GRIK2: variants seen among roughly 807,000 people sequenced by gnomAD.
GRIK2 encodes glutamate ionotropic receptor kainate type subunit 2, also known as glutamate receptor ionotropic, kainate 2.
In GRIK2, 32 loss-of-function variants were observed where a neutral mutation model predicts 100.3. The observed-to-expected ratio is 0.32, with a 90% CI of 0.24 to 0.43. The LOEUF (loss-of-function observed/expected upper bound fraction) is 0.43, where lower values mean the gene tolerates loss of function less well. Ranked by LOEUF, GRIK2 falls within the 20% of genes least tolerant of loss-of-function variation. The probability of loss-of-function intolerance (pLI) is 1.00; values close to 1 mark genes in which losing one functional copy is unlikely to be tolerated. For synonymous variants in GRIK2, 417 were observed against 389.4 expected, an observed-to-expected ratio of 1.07 and a Z score of -0.83; for missense variants, 843 against 1,114.9, an observed-to-expected ratio of 0.76 and a Z score of 3.47.
chr6:101,448,290 C>A (rs1409947184), intron 2 of GRIK2, among the ~76,000 whole-genome samples: 2 of 151,466 alleles, frequency 1.3e-5, no homozygotes, highest in East Asian at 3.9e-4. Flanking sequence ...TTAAACTGTC[C>A]ATATATCTGA....
intron 14 of GRIK2, among the ~76,000 whole-genome samples, chr6:101,961,400 T>A (rs1042127738): frequency 6.6e-6 from 1 of 151,706 alleles, no homozygotes; most frequent in Non-Finnish European, 1.5e-5. Context: ...GGAGTGGGAG[T>A]GCAACTCCTC....
At chr6:101,713,796 T>G (rs1192120847) in intron 7 of GRIK2, among the ~76,000 whole-genome samples, 1 of 151,796 alleles carries the variant, frequency 6.6e-6, no homozygotes, top group African/African-American at 2.4e-5. Flanking sequence ...AGTAGTATTT[T>G]TAAACATATC....
chr6:101,883,211 C>G (rs1786379011), intron 11 of GRIK2, among the ~76,000 whole-genome samples: 1 of 149,788 alleles, frequency 6.7e-6, no homozygotes, highest in Non-Finnish European at 1.5e-5. Context: ...CAAAAATGAC[C>G]CAACAGCTAA....
chr6:101,718,454 T>C (rs1774220459), intron 7 of GRIK2, among the ~76,000 whole-genome samples: 1 of 151,964 alleles, frequency 6.6e-6, no homozygotes, highest in African/African-American at 2.4e-5. Context: ...ATCTTTTTAC[T>C]GTTACTGAAT....
intron 14 of GRIK2, among the ~76,000 whole-genome samples, chr6:101,982,202 G>T (rs1353034103): frequency 2.0e-5 from 3 of 151,822 alleles, no homozygotes; most frequent in African/African-American, 7.2e-5. Context: ...CTTAACTTTT[G>T]TGGTTGCAGA....
chr6:101,845,724 G>C (rs1783768494), intron 10 of GRIK2, among the ~76,000 whole-genome samples: 1 of 152,070 alleles, frequency 6.6e-6, no homozygotes, highest in Non-Finnish European at 1.5e-5. Flanking sequence ...TTAACTTTTT[G>C]AGGAGCTGCC....
intron 2 of GRIK2, among the ~76,000 whole-genome samples, chr6:101,488,682 T>C (rs1260633568): frequency 6.8e-6 from 1 of 146,832 alleles, no homozygotes; most frequent in African/African-American, 2.6e-5. Flanking sequence ...AACAAATTGC[T>C]CAGCCCAAAT....
chr6:102,056,940 A>C (rs547921751), intron 16 of GRIK2, among the ~76,000 whole-genome samples: 4 of 152,046 alleles, frequency 2.6e-5, no homozygotes, highest in African/African-American at 9.6e-5. Flanking sequence ...TTTTCACAAC[A>C]CATTCAGGTT....
At chr6:101,597,826 T>G (rs2128308707) in intron 2 of GRIK2, among the ~76,000 whole-genome samples, 1 of 151,828 alleles carries the variant, frequency 6.6e-6, no homozygotes, top group South Asian at 2.1e-4. Flanking sequence ...AACCAAGATG[T>G]CATCAGGGCC....
chr6:101,795,559 G>T (rs1218530452), intron 7 of GRIK2, among the ~76,000 whole-genome samples: 1 of 152,222 alleles, frequency 6.6e-6, no homozygotes, highest in East Asian at 1.9e-4. Context: ...GGGCATGTGT[G>T]TGGTGAATTC....
At chr6:101,718,638 G>T (rs749428533) in intron 7 of GRIK2, among the ~76,000 whole-genome samples, 2 of 151,768 alleles carry the variant, frequency 1.3e-5, no homozygotes, top group Non-Finnish European at 2.9e-5. Context: ...AAAAATCTTC[G>T]AGAGATCATG....
At chr6:101,551,318 T>G (rs1440013669) in intron 2 of GRIK2, among the ~76,000 whole-genome samples, 6 of 151,312 alleles carry the variant, frequency 4.0e-5, no homozygotes, top group African/African-American at 1.2e-4. Flanking sequence ...GGATGGGGGG[T>G]GGTGGTGGTG....
At chr6:101,528,623 T>TTAC (rs1233816902) in intron 2 of GRIK2, among the ~76,000 whole-genome samples, 1 of 152,154 alleles carries the variant, frequency 6.6e-6, no homozygotes, top group Non-Finnish European at 1.5e-5. Flanking sequence ...TTTCAAAGTG[T>TTAC]TACTGGCTCA....
intron 14 of GRIK2, among the ~76,000 whole-genome samples, chr6:102,005,262 TGA>T (rs1359046128): frequency 6.7e-6 from 1 of 150,138 alleles, no homozygotes; most frequent in Non-Finnish European, 1.5e-5. Context: ...ATTCACAATA[TGA>T]GACTCTGTGA....
Position 101,447,024 on chromosome 6 carries a change from T to C in GRIK2, c.115+47632T>C, listed in dbSNP as rs1479624922. ...CATTTTTACATATTTATATATTATA[T>C]ATATTTTATATGTGTGTATATATTA... On this transcript the variant is annotated intron_variant, in intron 2 of 16. Transcript: ENST00000369134. Among the ~76,000 whole-genome samples the C allele has an allele frequency of 2.0e-5, 3 of 147,944 alleles. No homozygotes were observed. In the East Asian group the frequency reaches 5.8e-4, roughly 29 times the overall value.
rs1004406007 is a variant in GRIK2 at position 101,565,913 on chromosome 6, TTTTA to T, written c.116-56034_116-56031del. Among the ~76,000 whole-genome samples the T allele has an allele frequency of 3.9e-4, 37 of 93,932 alleles. 2 individuals are homozygous for T. Among genetic ancestry groups the T allele is most frequent in the African/African-American group, 1.6e-3 (37 of 22,522 alleles). The allele number at this position is 93,932 out of a possible 152,430, so 61.6% of individuals were successfully genotyped here. A position where few individuals can be genotyped will look rare whatever the true frequency, so the allele number is the denominator to read the frequency against. On this transcript the variant is annotated intron_variant, in intron 2 of 16. Transcript: ENST00000369134. ...GCCAATCTTTATCTTTATATACCTA[TTTTA>T]TATATATATATATATGTGTATATAT...
intron 10 of GRIK2, among the ~76,000 whole-genome samples, chr6:101,843,095 G>A (rs757852390): frequency 1.3e-5 from 2 of 151,768 alleles, no homozygotes; most frequent in South Asian, 2.1e-4. Flanking sequence ...AAATTTATTC[G>A]ATCTTTAAGT....
intron 2 of GRIK2, among the ~76,000 whole-genome samples, chr6:101,563,099 C>T (rs1042521690): frequency 2.6e-5 from 4 of 152,128 alleles, no homozygotes; most frequent in Admixed American, 2.0e-4. Context: ...ATTATTTTGC[C>T]TGCTCCTGAT....
intron 15 of GRIK2, among the ~76,000 whole-genome samples, chr6:102,045,227 A>T (rs1429434777): frequency 6.6e-6 from 1 of 152,094 alleles, no homozygotes. Flanking sequence ...ACAAATAAAC[A>T]AGGTAATGTG....
Sources: gnomAD v4.1 joint callset for allele counts (sites outside exome capture counted in the v4.1 genomes callset) on GRCh38, gnomAD v4.1.1 for gene constraint, MANE v1.5 for transcripts, NCBI Gene and HGNC (gene_info 2026-07-23, HGNC 2026-07-21) for gene names.